MYBBP1A: variants seen among roughly 807,000 people sequenced by gnomAD.
MYBBP1A encodes myb-binding protein 1A.
In MYBBP1A, 147 loss-of-function variants were observed where a neutral mutation model predicts 136.3. That is an observed-to-expected ratio of 1.08 (90% confidence interval 0.94 to 1.24). The LOEUF is 1.24. Among genes scored for constraint, MYBBP1A ranks in the 50% most tolerant of loss-of-function variants. MYBBP1A has a pLI of 0.00. For missense variants in MYBBP1A, 2,060 were observed against 1,727.4 expected (o/e 1.19, Z -3.41); for synonymous variants, 947 against 735.8 (o/e 1.29, Z -4.65).
At chr17:4,541,401 G>A (rs1188931768) in intron 24 of MYBBP1A, 62 bp downstream of exon 24, 13 of 1,429,906 alleles carry the variant, frequency 9.1e-6, no homozygotes, top group East Asian at 9.1e-5. Context: ...ACTGCTGGCC[G>A]GGAGGCCCCA....
chr17:4,550,023 C>A, intron 9 of MYBBP1A, 35 bp downstream of exon 9: 1 of 1,576,492 alleles, frequency 6.3e-7, no homozygotes, highest in South Asian at 1.2e-5. Flanking sequence ...GAAGTTAACT[C>A]CTAAATTAGG....
chr17:4,546,375 T>C (rs1247735648), intron 13 of MYBBP1A, among the ~76,000 whole-genome samples: 2 of 152,092 alleles, frequency 1.3e-5, no homozygotes, highest in Non-Finnish European at 2.9e-5. Flanking sequence ...CTTGCCCCCC[T>C]TGGCCTCCCA....
chr17:4,548,541 G>A lies in MYBBP1A; in HGVS notation c.1539C>T (p.Val513=), dbSNP rs1054029747. ...AGACTCACCTGAAGAAGGCACTGCT[G>A]ACAGCCTCTCGGGCCTGGTTTTCCA... ...FPLENQAREA[V]SSAFFSLLQT... is the part of the protein sequence containing the mutation. The change falls in exon 11 of 26, where the codon GTC becomes GTT. Residue 513 remains valine, a synonymous_variant. Coordinates refer to ENST00000254718, the MANE Select transcript of MYBBP1A (RefSeq NM_014520.4). This position sits in a 1 kb window ranked among gnomAD's most constrained non-coding sequence, Gnocchi z 4.2. 11 of 1,614,046 alleles carry A rather than the reference G, an allele frequency of 6.8e-6. No homozygotes were observed. Among genetic ancestry groups the A allele is most frequent in the Middle Eastern group, 1.7e-4 (1 of 6,046 alleles).
intron 13 of MYBBP1A, among the ~76,000 whole-genome samples, chr17:4,546,275 T>C (rs769148619): frequency 1.6e-4 from 24 of 152,200 alleles, no homozygotes; most frequent in East Asian, 9.6e-4. Context: ...TGTACCACCA[T>C]GCCCGGCTAA....
intron 1 of MYBBP1A, 34 bp from the exon 2 acceptor site, chr17:4,554,990 T>C (rs777297074): frequency 6.2e-7 from 1 of 1,611,694 alleles, no homozygotes; most frequent in South Asian, 1.1e-5. Flanking sequence ...TGTTCAATGG[T>C]GACAACAAGG....
intron 13 of MYBBP1A, chr17:4,547,653 G>A (rs1907121190): frequency 3.0e-6 from 1 of 328,554 alleles, no homozygotes. Flanking sequence ...ACAGCAGGGG[G>A]TACAGTGCAA....
intron 19 of MYBBP1A, among the ~76,000 whole-genome samples, chr17:4,543,577 A>C (rs1411078501): frequency 6.6e-6 from 1 of 152,100 alleles, no homozygotes; most frequent in Admixed American, 6.5e-5. Context: ...CAGGATGCTC[A>C]ACAAACGACA....
intron 8 of MYBBP1A, among the ~76,000 whole-genome samples, chr17:4,550,909 A>T (rs1025027279): frequency 6.6e-6 from 1 of 152,250 alleles, no homozygotes; most frequent in African/African-American, 2.4e-5. Context: ...TGCACAGGTG[A>T]GTACAGTGAG....
chr17:4,542,269 T>A, intron 22 of MYBBP1A, 195 bp downstream of exon 22: 3 of 642,426 alleles, frequency 4.7e-6, no homozygotes, highest in Non-Finnish European at 8.0e-6. Context: ...CTCCTGTGTG[T>A]TCACTGTGTG....
Position 4,552,929 on chromosome 17 carries a change from G to A in MYBBP1A, c.562-303C>T, listed in dbSNP as rs1403328801. Reference sequence around the variant, plus strand: ...GCTCACTGCAACCTCCGCCTCCCAGGTTGAAGCAATTCTCCTGCCTCAGGT... The same window carrying A: ...GCTCACTGCAACCTCCGCCTCCCAGATTGAAGCAATTCTCCTGCCTCAGGT... On this transcript the variant is annotated intron_variant, in intron 5 of 25. Transcript: ENST00000254718. This position sits in a 1 kb window ranked among gnomAD's most constrained non-coding sequence, Gnocchi z 4.7. Among the ~76,000 whole-genome samples the A allele has an allele frequency of 6.6e-6, 1 of 151,670 alleles. No homozygotes were observed. Among genetic ancestry groups the A allele is most frequent in the Non-Finnish European group, 1.5e-5 (1 of 67,968 alleles).
Position 4,552,007 on chromosome 17 carries a change from G to T in MYBBP1A, c.906-10C>A. On this transcript the variant is annotated splice_polypyrimidine_tract_variant and intron_variant, in intron 7 of 25. Coordinates refer to ENST00000254718, the MANE Select transcript of MYBBP1A (RefSeq NM_014520.4). This position sits in a 1 kb window ranked among gnomAD's most constrained non-coding sequence, Gnocchi z 4.7. ...GCGGAAACACAGGTAGCTAAAGGGGGTGCAGGACAGAGCCTGGTCAGAGCC... is the reference window on the plus strand; with the variant it reads ...GCGGAAACACAGGTAGCTAAAGGGGTTGCAGGACAGAGCCTGGTCAGAGCC... 6.2e-7 allele frequency: 1 copy of T among 1,605,256 alleles called. No homozygotes were observed. The highest frequency in any genetic ancestry group is 1.3e-5 in the African/African-American group (1 of 74,978).
In MYBBP1A at chr17:4,539,039, C is replaced by T. The variant is rs1020495384; in HGVS notation, c.*376G>A. 408 of 936,684 alleles carry T rather than the reference C, an allele frequency of 4.4e-4. No homozygotes were observed. Among genetic ancestry groups the T allele is most frequent in the Non-Finnish European group, 5.4e-4 (302 of 563,558 alleles). The allele number at this position is 936,684 out of a possible 1,614,324, so 58.0% of individuals were successfully genotyped here. A position where few individuals can be genotyped will look rare whatever the true frequency, so the allele number is the denominator to read the frequency against. On this transcript the variant is annotated 3_prime_UTR_variant, in exon 26 of 26. Transcript: ENST00000254718. ...AGAAATAAACCTATTTAAATCACCC[C>T]CTGGTGGCTCCCTCACAGCAAAAAA...
Position 4,551,894 on chromosome 17 carries a change from C to A in MYBBP1A, c.1009G>T (p.Val337Leu). 1 of 1,613,398 alleles carries A rather than the reference C, an allele frequency of 6.2e-7. No homozygotes were observed. Among genetic ancestry groups the A allele is most frequent in the South Asian group, 1.1e-5 (1 of 91,012 alleles). Residue 337 changes from valine (V) to leucine (L), a missense_variant, in exon 8 of 26, where the codon GTG becomes TTG. Coordinates refer to ENST00000254718, the MANE Select transcript of MYBBP1A (RefSeq NM_014520.4). Reference protein sequence around the residue: ...GDVIRHYGEHVCTAKLPKQFK... With the variant: ...GDVIRHYGEHLCTAKLPKQFK... ...GCATTACCCACCTTAGCAGTGCACA[C>A]GTGCTCCCCGTAATGGCGGATCACG...
At position 4,542,483 on chromosome 17, in the gene MYBBP1A, G is replaced by T; in HGVS notation, c.3068C>A (p.Pro1023Gln). 1 of 1,610,804 alleles carries T rather than the reference G, an allele frequency of 6.2e-7. No individual in the cohort carries two copies. The highest frequency in any genetic ancestry group is 8.5e-7 in the Non-Finnish European group (1 of 1,178,004). ...LPILVQHITG[P>Q]VRPRHQACLL... ...TCTCACCTGATGACGGGGCCGCACC[G>T]GGCCCGTGATATGCTGGACCAGGAT... The change falls in exon 22 of 26, where the codon CCG (proline) becomes CAG (glutamine). Residue 1023 changes from proline (P) to glutamine (Q), a missense_variant. By Grantham distance (76) the Pro-to-Gln change is moderately conservative. Coordinates refer to ENST00000254718, the MANE Select transcript of MYBBP1A (RefSeq NM_014520.4).
chr17:4,539,891 T>C lies in MYBBP1A; in HGVS notation c.3511A>G (p.Lys1171Glu), dbSNP rs745664884. The C allele has an allele frequency of 6.2e-7, 1 of 1,601,782 alleles. No homozygotes were observed. Among genetic ancestry groups the C allele is most frequent in the Admixed American group, 1.7e-5 (1 of 60,028 alleles). ...TTCGTCTCTGGCAAGAATCCCTTTT[T>C]CTTCCGCTTCTTACTGATGGGGCTC... ...TQSPISKKRK[K>E]KGFLPETKKR... Residue 1171 changes from lysine to glutamate, a missense_variant, in exon 26 of 26, where the codon AAA becomes GAA. By Grantham distance (56) the Lys-to-Glu change is moderately conservative (BLOSUM62 1). Coordinates refer to ENST00000254718, the MANE Select transcript of MYBBP1A (RefSeq NM_014520.4).
At chr17:4,550,759 C>T (rs2144492915) in intron 8 of MYBBP1A, among the ~76,000 whole-genome samples, 1 of 152,390 alleles carries the variant, frequency 6.6e-6, no homozygotes, top group Admixed American at 6.5e-5. Flanking sequence ...GCCCACGCTG[C>T]CAATTCCTAG....
At chr17:4,551,548 A>T (rs1031808733) in intron 8 of MYBBP1A, among the ~76,000 whole-genome samples, 1 of 152,224 alleles carries the variant, frequency 6.6e-6, no homozygotes, top group South Asian at 2.1e-4. Context: ...GTCTCTACCA[A>T]AAATACAAAA....
intron 22 of MYBBP1A, 113 bp downstream of exon 22, chr17:4,542,351 C>T (rs1186793814): frequency 5.7e-6 from 7 of 1,229,744 alleles, no homozygotes; most frequent in Non-Finnish European, 1.1e-6. Context: ...GCAGGGACAG[C>T]TGTGCCCGTG....
intron 8 of MYBBP1A, among the ~76,000 whole-genome samples, chr17:4,551,504 T>A (rs1013041229): frequency 6.6e-6 from 1 of 152,004 alleles, no homozygotes; most frequent in East Asian, 1.9e-4. Flanking sequence ...AGGTCAGGAG[T>A]TCGAGACCAG....
Sources: gnomAD v4.1 joint callset for allele counts (sites outside exome capture counted in the v4.1 genomes callset) on GRCh38, gnomAD v4.1.1 for gene constraint, Gnocchi (gnomAD v3.1) non-coding constraint, MANE v1.5 for transcripts, NCBI Gene and HGNC (gene_info 2026-07-23, HGNC 2026-07-21) for gene names.